SLC39A11: variants seen among roughly 807,000 people sequenced by gnomAD.
SLC39A11 encodes the protein solute carrier family 39 member 11, also known as zinc transporter ZIP11.
In SLC39A11, 33 loss-of-function variants were observed where a neutral mutation model predicts 36.1. The ratio of observed to expected loss-of-function variants is 0.91; its 90% CI spans 0.69 to 1.22. The LOEUF (loss-of-function observed/expected upper bound fraction) is 1.22. Ranked by LOEUF, SLC39A11 falls within the 50% of genes most tolerant of loss-of-function variation. The pLI, the probability that SLC39A11 is intolerant of heterozygous loss-of-function variation, is 0.00. For synonymous variants in SLC39A11, 166 were observed against 170.3 expected (o/e 0.97, Z 0.20); for missense variants, 432 against 430.3 (o/e 1.00, Z -0.03).
chr17:72,990,516 C>A (rs2089093614), intron 4 of SLC39A11, among the ~76,000 whole-genome samples: 1 of 152,116 alleles, frequency 6.6e-6, no homozygotes, highest in Admixed American at 6.5e-5. Context: ...TTCCCAGGTT[C>A]AAGCGATTCT....
At chr17:73,003,559 C>T (rs7212358) in intron 4 of SLC39A11, among the ~76,000 whole-genome samples, 22,828 of 152,006 alleles carry the variant, frequency 0.15, 2,392 homozygotes, top group African/African-American at 0.29. Context: ...GACAAGACCC[C>T]GGGCTGAACA....
intron 3 of SLC39A11, among the ~76,000 whole-genome samples, chr17:73,044,878 GAAAAAA>G (rs11298701): frequency 8.4e-6 from 1 of 119,026 alleles, no homozygotes; most frequent in African/African-American, 3.1e-5. Flanking sequence ...CTCTGTCTCA[GAAAAAA>G]AAAAAAAAAA....
At chr17:72,807,972 G>A (rs1331072395) in intron 6 of SLC39A11, among the ~76,000 whole-genome samples, 1 of 152,108 alleles carries the variant, frequency 6.6e-6, no homozygotes, top group Non-Finnish European at 1.5e-5. Flanking sequence ...TCTCCAGGTG[G>A]ATACTGTCAG....
intron 3 of SLC39A11, among the ~76,000 whole-genome samples, chr17:73,065,509 T>C (rs1428562156): frequency 6.6e-6 from 1 of 152,212 alleles, no homozygotes; most frequent in African/African-American, 2.4e-5. Flanking sequence ...CTTCCCTGCC[T>C]CTTCCAATTC....
chr17:72,758,775 TG>T (rs1436957180), intron 6 of SLC39A11, among the ~76,000 whole-genome samples: 5 of 152,320 alleles, frequency 3.3e-5, no homozygotes, highest in South Asian at 2.1e-4. Flanking sequence ...TCCCCACCTG[TG>T]GAAGCCACAG....
At chr17:72,824,019 A>G (rs1188553947) in intron 6 of SLC39A11, 1 of 150,616 alleles carries the variant, frequency 6.6e-6, no homozygotes, top group African/African-American at 2.5e-5. Flanking sequence ...AGTTGTATTC[A>G]ATTTAAAATA....
chr17:72,904,206 G>A (rs2082535785), intron 5 of SLC39A11, among the ~76,000 whole-genome samples: 1 of 152,140 alleles, frequency 6.6e-6, no homozygotes, highest in Non-Finnish European at 1.5e-5. Flanking sequence ...GCTGAGGAAG[G>A]AGGAACATGT....
At chr17:72,897,177 TA>T (rs891611037) in intron 5 of SLC39A11, among the ~76,000 whole-genome samples, 57 of 151,800 alleles carry the variant, frequency 3.8e-4, no homozygotes, top group African/African-American at 1.1e-3. Context: ...GCTCCTGTAG[TA>T]ATTCATGGCA....
At chr17:72,820,084 T>C (rs2077713107) in intron 6 of SLC39A11, among the ~76,000 whole-genome samples, 1 of 151,288 alleles carries the variant, frequency 6.6e-6, no homozygotes, top group Admixed American at 6.6e-5. Context: ...AGAAAACAAG[T>C]GACTTCTGTG....
chr17:73,014,959 A>C (rs1011450632), intron 4 of SLC39A11, among the ~76,000 whole-genome samples: 9 of 152,166 alleles, frequency 5.9e-5, no homozygotes, highest in African/African-American at 2.2e-4. Flanking sequence ...AACTTCCTAG[A>C]GCCATCTCAA....
chr17:72,700,505 T>C (rs2072557327), intron 7 of SLC39A11, among the ~76,000 whole-genome samples: 1 of 152,236 alleles, frequency 6.6e-6, no homozygotes. Flanking sequence ...GGCTGGGGAC[T>C]GCCAGGGAAG....
intron 6 of SLC39A11, among the ~76,000 whole-genome samples, chr17:72,822,996 A>G (rs962426670): frequency 6.6e-6 from 1 of 151,214 alleles, no homozygotes; most frequent in East Asian, 1.9e-4. Context: ...TCAGCCTCCC[A>G]AAGTGCCGGG....
In SLC39A11 at chr17:72,909,768, C is replaced by T. The variant is rs540130166; in HGVS notation, c.430+37984G>A. Reference sequence around the variant, plus strand: ...CTTTTTTCTTTTTTTTTTTTTGAGACGGAGTCTCGCTCTGTTGCCCAGGCT... The same window carrying T: ...CTTTTTTCTTTTTTTTTTTTTGAGATGGAGTCTCGCTCTGTTGCCCAGGCT... On this transcript the variant is annotated intron_variant, in intron 5 of 9. Coordinates refer to ENST00000255559, the MANE Select transcript of SLC39A11 (RefSeq NM_139177.4). 7.9e-5 allele frequency among the ~76,000 whole-genome samples: 11 copies of T among 139,132 alleles called. No homozygotes were observed. In the East Asian group the frequency reaches 1.0e-3, roughly 13 times the overall value. The allele number at this position is 139,132 out of a possible 152,430, so 91.3% of individuals were successfully genotyped here.
At chr17:72,769,489 C>T (rs937166276) in intron 6 of SLC39A11, among the ~76,000 whole-genome samples, 25 of 151,988 alleles carry the variant, frequency 1.6e-4, no homozygotes, top group Non-Finnish European at 2.5e-4. Context: ...AAGACAAACC[C>T]GCCTCCCATT....
intron 6 of SLC39A11, among the ~76,000 whole-genome samples, chr17:72,801,685 A>G (rs1462608277): frequency 6.6e-6 from 1 of 152,238 alleles, no homozygotes; most frequent in Non-Finnish European, 1.5e-5. Context: ...TGTCTTCAGG[A>G]TGGCATTTTA....
chr17:72,677,111 A>G (rs28492721), intron 7 of SLC39A11, among the ~76,000 whole-genome samples: 6,535 of 152,294 alleles, frequency 0.043, 459 homozygotes, highest in African/African-American at 0.15. Flanking sequence ...CACAAGCAGC[A>G]GCCGCAGTGG....
At chr17:72,694,317 G>A (rs1056275619) in intron 7 of SLC39A11, among the ~76,000 whole-genome samples, 14 of 152,350 alleles carry the variant, frequency 9.2e-5, no homozygotes, top group Non-Finnish European at 1.0e-4. Context: ...GAGCTCATGT[G>A]ATTTTCTTCT....
intron 7 of SLC39A11, among the ~76,000 whole-genome samples, chr17:72,667,522 G>A (rs1160119841): frequency 6.6e-6 from 1 of 152,208 alleles, no homozygotes; most frequent in Non-Finnish European, 1.5e-5. Context: ...GATGGCTGAG[G>A]GCAAGTGCAG....
intron 2 of SLC39A11, 45 bp from the exon 3 acceptor site, chr17:73,084,891 A>G (rs1258152156): frequency 1.9e-6 from 3 of 1,601,242 alleles, no homozygotes; most frequent in Non-Finnish European, 2.6e-6. Context: ...AGACAATAAG[A>G]TGATGTTTCC....
Sources: gnomAD v4.1 joint callset for allele counts (sites outside exome capture counted in the v4.1 genomes callset) on GRCh38, gnomAD v4.1.1 for gene constraint, MANE v1.5 for transcripts, NCBI Gene and HGNC (gene_info 2026-07-23, HGNC 2026-07-21) for gene names.